KRTAP12-3: variants seen among roughly 807,000 people sequenced by gnomAD.
KRTAP12-3 encodes the protein keratin associated protein 12-3.
Under a neutral mutation model 0.2 loss-of-function variants are expected in KRTAP12-3, and 1 was observed. The observed-to-expected ratio is 4.14, with a 90% CI of 1.47 to 19.66. KRTAP12-3 has a LOEUF of 19.66. Ranked by LOEUF, KRTAP12-3 falls within the 30% of genes most tolerant of loss-of-function variation. The pLI, the probability that KRTAP12-3 is intolerant of heterozygous loss-of-function variation, is 0.11. For missense variants in KRTAP12-3, 116 were observed against 128.2 expected, an observed-to-expected ratio of 0.90 and a Z score of 0.46; for synonymous variants, 61 against 54.3, an observed-to-expected ratio of 1.12 and a Z score of -0.54.
In KRTAP12-3 at chr21:44,658,294, G is replaced by T; in HGVS notation, c.*24G>T. 6.2e-7 allele frequency: 1 copy of T among 1,606,692 alleles called. No individual in the cohort carries two copies. Among genetic ancestry groups the T allele is most frequent in the South Asian group, 1.1e-5 (1 of 90,486 alleles). ...GACCAGCTGCTCCTGGTACACGGGG[G>T]TACACACCTGTATCCCTCCGTGAAT... On this transcript the variant is annotated 3_prime_UTR_variant, in exon 1 of 1. Transcript: ENST00000397907.
the KRTAP12-3 span, chr21:44,658,070 C>T: frequency 6.2e-7 from 1 of 1,613,602 alleles, no homozygotes; most frequent in Admixed American, 1.7e-5. Flanking sequence ...CGTGAGCTGC[C>T]AGTCCTCCGT....
In KRTAP12-3 at chr21:44,658,065, G is replaced by C. The variant is rs1555942904; in HGVS notation, c.86G>C (p.Ser29Thr). Residue 29 changes from serine to threonine, a missense_variant, in exon 1 of 1, where the codon AGC becomes ACC. By Grantham distance (58) the Ser-to-Thr change is moderately conservative. Coordinates refer to ENST00000397907, the MANE Select transcript of KRTAP12-3 (RefSeq NM_198697.2). Reference sequence around the variant, plus strand: ...CAGGCATCCTGCTATGTGCCCGTGAGCTGCCAGTCCTCCGTGTGCATGCCC... The same window carrying C: ...CAGGCATCCTGCTATGTGCCCGTGACCTGCCAGTCCTCCGTGTGCATGCCC... Reference protein sequence around the residue: ...PCQASCYVPVSCQSSVCMPVS... With the variant: ...PCQASCYVPVTCQSSVCMPVS... The C allele has an allele frequency of 6.2e-7, 1 of 1,611,764 alleles. No homozygotes were observed. The highest frequency in any genetic ancestry group is 2.2e-5 in the East Asian group (1 of 44,874).
In KRTAP12-3 at chr21:44,658,294, G is replaced by A. The variant is rs781801447; in HGVS notation, c.*24G>A. On this transcript the variant is annotated 3_prime_UTR_variant, in exon 1 of 1. Transcript: ENST00000397907. ...GACCAGCTGCTCCTGGTACACGGGG[G>A]TACACACCTGTATCCCTCCGTGAAT... is the stretch of plus-strand genomic sequence containing the variant. 3.1e-6 allele frequency: 5 copies of A among 1,606,568 alleles called. No homozygotes were observed. Among genetic ancestry groups the A allele is most frequent in the Non-Finnish European group, 4.3e-6 (5 of 1,174,780 alleles).
Position 44,658,243 on chromosome 21 carries a change from C to T in KRTAP12-3, c.264C>T (p.Ile88=), listed in dbSNP as rs1341951309. Residue 88 remains isoleucine, a synonymous_variant, in exon 1 of 1, where the codon ATC becomes ATT. Transcript: ENST00000397907. Reference sequence around the variant, plus strand: ...GCACCACTGCCCTCTGCAGACCCATCTCCTGCAGCACCCCTTCCTGCTGCT... The same window carrying T: ...GCACCACTGCCCTCTGCAGACCCATTTCCTGCAGCACCCCTTCCTGCTGCT... The part of the protein sequence containing the change: ...PPCTTALCRP[I]SCSTPSCC The T allele has an allele frequency of 1.9e-6, 3 of 1,614,062 alleles. No homozygotes were observed. The Admixed American group carries it at 5.0e-5, about 27-fold the overall frequency.
Position 44,658,165 on chromosome 21 carries a change from C to T in KRTAP12-3, c.186C>T (p.Pro62=), listed in dbSNP as rs2146262114. Residue 62 remains proline, a synonymous_variant, in exon 1 of 1, where the codon CCC becomes CCT. Coordinates refer to ENST00000397907, the MANE Select transcript of KRTAP12-3 (RefSeq NM_198697.2). ...TGTGCGTGCCCGTGAGCTGCAGGCC[C>T]ATCATATATGTGACTCCCTCTTGCC... ...PSVCVPVSCR[P]IIYVTPSCQS... is the part of the protein sequence containing the mutation. The T allele has an allele frequency of 6.2e-6, 10 of 1,614,168 alleles. No individual in the cohort carries two copies. Among genetic ancestry groups the T allele is most frequent in the South Asian group, 1.1e-5 (1 of 91,082 alleles).
Position 44,657,946 on chromosome 21 carries a change from C to T in KRTAP12-3, c.-34C>T, listed in dbSNP as rs781998552. ...GAAGCAGCTTCCAGACATCACCATC[C>T]TCCTCCCCAGTACCAGCCCAGCCAC... On this transcript the variant is annotated 5_prime_UTR_variant, in exon 1 of 1. Transcript: ENST00000397907. The T allele has an allele frequency of 1.4e-5, 23 of 1,597,342 alleles. No homozygotes were observed. The highest frequency in any genetic ancestry group is 1.8e-5 in the Non-Finnish European group (21 of 1,169,218).
chr21:44,658,272 C>G lies in KRTAP12-3; in HGVS notation c.*2C>G, dbSNP rs1555943002. 4 of 1,612,970 alleles carry G rather than the reference C, an allele frequency of 2.5e-6. No individual in the cohort carries two copies. The highest frequency in any genetic ancestry group is 3.4e-6 in the Non-Finnish European group (4 of 1,179,150). On this transcript the variant is annotated 3_prime_UTR_variant, in exon 1 of 1. Coordinates refer to ENST00000397907, the MANE Select transcript of KRTAP12-3 (RefSeq NM_198697.2). The stretch of plus-strand genomic sequence containing the variant: ...TGCAGCACCCCTTCCTGCTGCTGAC[C>G]AGCTGCTCCTGGTACACGGGGGTAC...
Position 44,658,166 on chromosome 21 carries a change from A to G in KRTAP12-3, c.187A>G (p.Ile63Val). ...SVCVPVSCRP[I>V]IYVTPSCQSS... ...GTGCGTGCCCGTGAGCTGCAGGCCC[A>G]TCATATATGTGACTCCCTCTTGCCA... The change falls in exon 1 of 1, where the codon ATC (isoleucine) becomes GTC (valine). Residue 63 changes from isoleucine to valine, a missense_variant. Transcript: ENST00000397907. 1 of 1,613,972 alleles carries G rather than the reference A, an allele frequency of 6.2e-7. No individual in the cohort carries two copies. The highest frequency in any genetic ancestry group is 8.5e-7 in the Non-Finnish European group (1 of 1,179,972).
In KRTAP12-3 at chr21:44,658,004, G is replaced by C. The variant is rs1555942886; in HGVS notation, c.25G>C (p.Ala9Pro). The C allele has an allele frequency of 6.2e-7, 1 of 1,613,580 alleles. No individual in the cohort carries two copies. Among genetic ancestry groups the C allele is most frequent in the African/African-American group, 1.3e-5 (1 of 74,906 alleles). ...CATGTGCCACACCAGCTGCTCCCCAGCCTGCCAGCCAACCTGCTGCATACA... is the reference window on the plus strand; with the variant it reads ...CATGTGCCACACCAGCTGCTCCCCACCCTGCCAGCCAACCTGCTGCATACA... MCHTSCSP[A>P]CQPTCCIHSP... The change falls in exon 1 of 1, where the codon GCC (alanine) becomes CCC (proline). Residue 9 changes from alanine to proline, a missense_variant. Transcript: ENST00000397907.
At position 44,658,104 on chromosome 21, in the gene KRTAP12-3, G is replaced by T; in HGVS notation, c.125G>T (p.Arg42Leu). The T allele has an allele frequency of 6.2e-7, 1 of 1,612,560 alleles. No individual in the cohort carries two copies. Among genetic ancestry groups the T allele is most frequent in the Non-Finnish European group, 8.5e-7 (1 of 1,179,400 alleles). ...GTGTGCATGCCCGTGAGCTGCACGC[G>T]CATTGTGTGCGTGGCTCCCTCCTGC... ...SSVCMPVSCT[R>L]IVCVAPSCQP... The change falls in exon 1 of 1, where the codon CGC becomes CTC. Residue 42 changes from arginine to leucine, a missense_variant. Arg to Leu is a moderately radical substitution (Grantham distance 102, BLOSUM62 -2). Coordinates refer to ENST00000397907, the MANE Select transcript of KRTAP12-3 (RefSeq NM_198697.2).
rs781899847 is a variant in KRTAP12-3 at position 44,658,251 on chromosome 21, G to A, written c.272G>A (p.Ser91Asn). Residue 91 changes from serine to asparagine, a missense_variant, in exon 1 of 1, where the codon AGC becomes AAC. By Grantham distance (46) the Ser-to-Asn change is conservative. Coordinates refer to ENST00000397907, the MANE Select transcript of KRTAP12-3 (RefSeq NM_198697.2). The part of the protein sequence containing the change: ...TTALCRPISC[S>N]TPSCC ...GCCCTCTGCAGACCCATCTCCTGCA[G>A]CACCCCTTCCTGCTGCTGACCAGCT... 9.9e-6 allele frequency: 16 copies of A among 1,613,762 alleles called. No homozygotes were observed. Among genetic ancestry groups the A allele is most frequent in the Admixed American group, 1.7e-5 (1 of 60,020 alleles).
At position 44,657,992 on chromosome 21, in the gene KRTAP12-3, A is replaced by T; in HGVS notation, c.13A>T (p.Ser5Cys). 1 of 1,613,282 alleles carries T rather than the reference A, an allele frequency of 6.2e-7. No homozygotes were observed. Among genetic ancestry groups the T allele is most frequent in the Non-Finnish European group, 8.5e-7 (1 of 1,179,536 alleles). The part of the protein sequence containing the change: MCHT[S>C]CSPACQPTCC... Reference sequence around the variant, plus strand: ...GCCACACGCCACCATGTGCCACACCAGCTGCTCCCCAGCCTGCCAGCCAAC... The same window carrying T: ...GCCACACGCCACCATGTGCCACACCTGCTGCTCCCCAGCCTGCCAGCCAAC... Residue 5 changes from serine (S) to cysteine (C), a missense_variant, in exon 1 of 1, where the codon AGC (serine) becomes TGC (cysteine). Physicochemically the swap from Ser to Cys is moderately radical, Grantham distance 112. Coordinates refer to ENST00000397907, the MANE Select transcript of KRTAP12-3 (RefSeq NM_198697.2).
At position 44,658,085 on chromosome 21, in the gene KRTAP12-3, A is replaced by C. The variant is rs782481307; in HGVS notation, c.106A>C (p.Met36Leu). Residue 36 changes from methionine (M) to leucine (L), a missense_variant, in exon 1 of 1, where the codon ATG becomes CTG. Met to Leu is a conservative substitution (Grantham distance 15, BLOSUM62 2). Transcript: ENST00000397907. ...VPVSCQSSVC[M>L]PVSCTRIVCV... ...CGTGAGCTGCCAGTCCTCCGTGTGC[A>C]TGCCCGTGAGCTGCACGCGCATTGT... The C allele has an allele frequency of 1.2e-6, 2 of 1,613,548 alleles. No individual in the cohort carries two copies. The highest frequency in any genetic ancestry group is 2.2e-5 in the South Asian group (2 of 91,020).
Position 44,658,107 on chromosome 21 carries a change from T to C in KRTAP12-3, c.128T>C (p.Ile43Thr). ...TGCATGCCCGTGAGCTGCACGCGCA[T>C]TGTGTGCGTGGCTCCCTCCTGCCAG... ...SVCMPVSCTR[I>T]VCVAPSCQPS... Residue 43 changes from isoleucine (I) to threonine (T), a missense_variant, in exon 1 of 1, where the codon ATT becomes ACT. Coordinates refer to ENST00000397907, the MANE Select transcript of KRTAP12-3 (RefSeq NM_198697.2). 6.2e-7 allele frequency: 1 copy of C among 1,613,148 alleles called. No homozygotes were observed. The highest frequency in any genetic ancestry group is 8.5e-7 in the Non-Finnish European group (1 of 1,179,592).
At position 44,658,151 on chromosome 21, in the gene KRTAP12-3, G is replaced by A. The variant is rs372556665; in HGVS notation, c.172G>A (p.Val58Met). The stretch of plus-strand genomic sequence containing the variant: ...CTGCCAGCCCTCCGTGTGCGTGCCC[G>A]TGAGCTGCAGGCCCATCATATATGT... ...PSCQPSVCVP[V>M]SCRPIIYVTP... is the part of the protein sequence containing the mutation. Residue 58 changes from valine to methionine, a missense_variant, in exon 1 of 1, where the codon GTG (valine) becomes ATG (methionine). By Grantham distance (21) the Val-to-Met change is conservative (BLOSUM62 1). Transcript: ENST00000397907. The A allele has an allele frequency of 1.6e-4, 262 of 1,614,104 alleles. No homozygotes were observed. In the African/African-American group the frequency reaches 2.8e-3, roughly 17 times the overall value.
In KRTAP12-3 at chr21:44,657,959, C is replaced by A; in HGVS notation, c.-21C>A. On this transcript the variant is annotated 5_prime_UTR_variant, in exon 1 of 1. Transcript: ENST00000397907. ...GACATCACCATCCTCCTCCCCAGTA[C>A]CAGCCCAGCCACACGCCACCATGTG... The A allele has an allele frequency of 4.4e-6, 7 of 1,607,850 alleles. No homozygotes were observed. Among genetic ancestry groups the A allele is most frequent in the Non-Finnish European group, 6.0e-6 (7 of 1,176,076 alleles).
Position 44,657,977 on chromosome 21 carries a change from A to G in KRTAP12-3, c.-3A>G, listed in dbSNP as rs782518017. 2.5e-5 allele frequency: 40 copies of G among 1,612,042 alleles called. No homozygotes were observed. The East Asian group carries it at 8.9e-4, about 36-fold the overall frequency. On this transcript the variant is annotated 5_prime_UTR_variant, in exon 1 of 1. Coordinates refer to ENST00000397907, the MANE Select transcript of KRTAP12-3 (RefSeq NM_198697.2). ...CCCAGTACCAGCCCAGCCACACGCCACCATGTGCCACACCAGCTGCTCCCC... is the reference window on the plus strand; with the variant it reads ...CCCAGTACCAGCCCAGCCACACGCCGCCATGTGCCACACCAGCTGCTCCCC...
chr21:44,658,013 C>G lies in KRTAP12-3; in HGVS notation c.34C>G (p.Pro12Ala). ...CHTSCSPACQ[P>A]TCCIHSPCQA... is the part of the protein sequence containing the mutation. Reference sequence around the variant, plus strand: ...CACCAGCTGCTCCCCAGCCTGCCAGCCAACCTGCTGCATACACAGCCCCTG... The same window carrying G: ...CACCAGCTGCTCCCCAGCCTGCCAGGCAACCTGCTGCATACACAGCCCCTG... The change falls in exon 1 of 1, where the codon CCA becomes GCA. Residue 12 changes from proline to alanine, a missense_variant. Coordinates refer to ENST00000397907, the MANE Select transcript of KRTAP12-3 (RefSeq NM_198697.2). The G allele has an allele frequency of 3.7e-6, 6 of 1,613,886 alleles. No homozygotes were observed. In the South Asian group the frequency reaches 5.5e-5, roughly 15 times the overall value.
chr21:44,658,166 AT>A, the KRTAP12-3 span: 2 of 1,613,854 alleles, frequency 1.2e-6, no homozygotes, highest in Non-Finnish European at 1.7e-6. Flanking sequence ...CTGCAGGCCC[AT>A]CATATATGTG....
Sources: allele counts gnomAD v4.1 joint callset, GRCh38; gene constraint gnomAD v4.1.1; transcripts MANE v1.5; gene names NCBI Gene and HGNC (gene_info 2026-07-23, HGNC 2026-07-21).